Variants in CBLL1 observed in about 807,000 individuals in gnomAD.
CBLL1 encodes the protein E3 ubiquitin-protein ligase Hakai.
In CBLL1, 4 loss-of-function variants were observed where a neutral mutation model predicts 44.9. The ratio of observed to expected loss-of-function variants is 0.09; its 90% CI spans 0.04 to 0.20. The LOEUF is 0.20. Among genes scored for constraint, CBLL1 ranks in the 10% least tolerant of loss-of-function variants. The probability of loss-of-function intolerance (pLI) is 1.00; values close to 1 mark genes in which losing one functional copy is unlikely to be tolerated. For missense variants in CBLL1, 569 were observed against 636.7 expected, an observed-to-expected ratio of 0.89 and a Z score of 1.14; for synonymous variants, 235 against 202.2, an observed-to-expected ratio of 1.16 and a Z score of -1.38.
rs1405832984 is a variant in CBLL1 at position 107,748,927 on chromosome 7, G to C, written c.61G>C (p.Asp21His). The C allele has an allele frequency of 6.2e-7, 1 of 1,613,942 alleles. No individual in the cohort carries two copies. The highest frequency in any genetic ancestry group is 8.5e-7 in the Non-Finnish European group (1 of 1,179,894). ...TNSSGSLGGLDVRRRIPIKLI... is the reference protein window; with the variant it reads ...TNSSGSLGGLHVRRRIPIKLI... The stretch of plus-strand genomic sequence containing the variant: ...TAGTTCTGGATCCTTGGGTGGTCTT[G>C]ATGTTCGCAGACGAATTCCTATAAA... The change falls in exon 2 of 6, where the codon GAT becomes CAT. Residue 21 changes from aspartate to histidine, a missense_variant. Physicochemically the swap from Asp to His is moderately conservative, Grantham distance 81. This residue lies in a region of CBLL1 where 209 missense variants were observed against 202.8 expected (regional missense o/e 1.03). Coordinates refer to ENST00000440859, the MANE Select transcript of CBLL1 (RefSeq NM_024814.4).
At chr7:107,755,848 T>C (rs907706070) in intron 5 of CBLL1, among the ~76,000 whole-genome samples, 1 of 152,166 alleles carries the variant, frequency 6.6e-6, no homozygotes, top group African/African-American at 2.4e-5. Context: ...TGCTATTTAT[T>C]AGCTGTTTTA....
chr7:107,751,745 G>T (rs896991777), intron 2 of CBLL1, among the ~76,000 whole-genome samples: 3 of 151,988 alleles, frequency 2.0e-5, no homozygotes, highest in African/African-American at 4.8e-5. Context: ...TTTCCCTCTC[G>T]GATTTTGGAG....
chr7:107,744,206 G>A (rs769073308), intron 1 of CBLL1, 30 bp downstream of exon 1: 1 of 1,540,654 alleles, frequency 6.5e-7, no homozygotes, highest in Non-Finnish European at 8.8e-7. Flanking sequence ...GGGGGTCCCG[G>A]TTCCAAGCCC....
intron 1 of CBLL1, among the ~76,000 whole-genome samples, chr7:107,746,591 C>T (rs1437434566): frequency 6.6e-6 from 1 of 152,122 alleles, no homozygotes; most frequent in African/African-American, 2.4e-5. Context: ...GGAAATGCCA[C>T]TTAGCTAGAT....
At chr7:107,745,492 C>T (rs1792970474) in intron 1 of CBLL1, among the ~76,000 whole-genome samples, 1 of 152,190 alleles carries the variant, frequency 6.6e-6, no homozygotes, top group Non-Finnish European at 1.5e-5. Context: ...GCACATCATT[C>T]AGGTCATTGA....
chr7:107,755,527 A>C (rs778610177), intron 5 of CBLL1, 36 bp downstream of exon 5: 22 of 1,243,920 alleles, frequency 1.8e-5, no homozygotes, highest in Non-Finnish European at 9.1e-6. Context: ...TTTAAATAAT[A>C]AAGTTTTAGT....
intron 2 of CBLL1, among the ~76,000 whole-genome samples, chr7:107,753,084 AAT>A (rs1438673260): frequency 6.6e-6 from 1 of 152,190 alleles, no homozygotes; most frequent in Non-Finnish European, 1.5e-5. Flanking sequence ...TTACATTAGA[AAT>A]AGTTTCATGA....
At chr7:107,756,239 T>C (rs891858439) in intron 5 of CBLL1, among the ~76,000 whole-genome samples, 2 of 152,186 alleles carry the variant, frequency 1.3e-5, no homozygotes, top group Non-Finnish European at 2.9e-5. Flanking sequence ...AGATCACTTA[T>C]AACCTGTGCT....
chr7:107,759,219 T>C lies in CBLL1; in HGVS notation c.*41T>C, dbSNP rs1793666359. The C allele has an allele frequency of 1.3e-6, 2 of 1,498,590 alleles. No individual in the cohort carries two copies. The highest frequency in any genetic ancestry group is 1.4e-5 in the African/African-American group (1 of 71,706). 92.8% of individuals were successfully genotyped at this position (1,498,590 alleles called of 1,614,324 possible). A position where few individuals can be genotyped will look rare whatever the true frequency, so the allele number is the denominator to read the frequency against. ...TGGAAGATATGAGGGGGAAAAAAAC[T>C]TATGTGTAGTCAATCTTTTAAGCTT... On this transcript the variant is annotated 3_prime_UTR_variant, in exon 6 of 6. Transcript: ENST00000440859.
intron 2 of CBLL1, 38 bp downstream of exon 2, chr7:107,749,085 T>A (rs760713898): frequency 6.3e-7 from 1 of 1,591,042 alleles, no homozygotes; most frequent in African/African-American, 1.3e-5. Context: ...ACTCTTTCTG[T>A]TTTATCTGAT....
chr7:107,744,821 C>G lies in CBLL1; in HGVS notation c.13+645C>G, dbSNP rs1166492773. The G allele has an allele frequency of 5.9e-5, 9 of 152,356 alleles. No homozygotes were observed. The East Asian group carries it at 1.7e-3, about 29-fold the overall frequency. 9.4% of individuals were successfully genotyped at this position (152,356 alleles called of 1,614,324 possible). ...AAGAGGAGTTTAAAATCAAGGCATT[C>G]TCATACTTTTCTCCAAGTAAGAGTG... On this transcript the variant is annotated intron_variant, in intron 1 of 5. Coordinates refer to ENST00000440859, the MANE Select transcript of CBLL1 (RefSeq NM_024814.4).
At chr7:107,749,267 G>T in intron 2 of CBLL1, 1 of 354,784 alleles carries the variant, frequency 2.8e-6, no homozygotes, top group Non-Finnish European at 5.0e-6. Flanking sequence ...ACTGCCCATT[G>T]TTCAGTAATC....
In CBLL1 at chr7:107,758,557, A is replaced by C. The variant is rs1158637102; in HGVS notation, c.855A>C (p.Ser285=). Residue 285 remains serine, a synonymous_variant, in exon 6 of 6, where the codon TCA becomes TCC. Transcript: ENST00000440859. The surrounding 1 kb of genome is among the most constrained non-coding windows in gnomAD (Gnocchi z 4.2). ...TCAGTCAGGAAACCTTTCGTATTTCAACAAGAAAACACAGCAATTTAATAA... is the reference window on the plus strand; with the variant it reads ...TCAGTCAGGAAACCTTTCGTATTTCCACAAGAAAACACAGCAATTTAATAA... ...RSVSQETFRI[S]TRKHSNLITV... 1 of 1,613,976 alleles carries C rather than the reference A, an allele frequency of 6.2e-7. No individual in the cohort carries two copies. Among genetic ancestry groups the C allele is most frequent in the Admixed American group, 1.7e-5 (1 of 59,998 alleles).
At position 107,760,072 on chromosome 7, in the gene CBLL1, T is replaced by G. The variant is rs1269848440; in HGVS notation, c.*894T>G. On this transcript the variant is annotated 3_prime_UTR_variant, in exon 6 of 6. Transcript: ENST00000440859. ...CTGTTTAAATGGGTTTAAATGGTGT[T>G]CTTTAGATGAAATGTGTTCTGTTTT... 1 of 152,272 alleles carries G rather than the reference T, an allele frequency of 6.6e-6. No homozygotes were observed. The highest frequency in any genetic ancestry group is 1.5e-5 in the Non-Finnish European group (1 of 67,970). 9.4% of individuals were successfully genotyped at this position (152,272 alleles called of 1,614,324 possible).
In CBLL1 at chr7:107,758,734, C is replaced by T. The variant is rs771242368; in HGVS notation, c.1032C>T (p.Pro344=). 3 of 1,613,698 alleles carry T rather than the reference C, an allele frequency of 1.9e-6. No homozygotes were observed. Among genetic ancestry groups the T allele is most frequent in the South Asian group, 2.2e-5 (2 of 91,032 alleles). ...IMPPQQHYAP[P]PPPPPPISHP... The stretch of plus-strand genomic sequence containing the variant: ...CTCCACAGCAACATTATGCACCACC[C>T]CCACCTCCTCCACCACCAATAAGCC... Residue 344 remains proline (P), a synonymous_variant, in exon 6 of 6, where the codon CCC becomes CCT. Coordinates refer to ENST00000440859, the MANE Select transcript of CBLL1 (RefSeq NM_024814.4). This position sits in a 1 kb window ranked among gnomAD's most constrained non-coding sequence, Gnocchi z 4.2.
intron 2 of CBLL1, among the ~76,000 whole-genome samples, chr7:107,751,359 G>A (rs1407107443): frequency 6.6e-6 from 1 of 152,110 alleles, no homozygotes; most frequent in Non-Finnish European, 1.5e-5. Flanking sequence ...TTCCTAACAG[G>A]CCAAGGGTAC....
chr7:107,744,882 T>A (rs1297156084), intron 1 of CBLL1: 1 of 152,248 alleles, frequency 6.6e-6, no homozygotes, highest in African/African-American at 2.4e-5. Flanking sequence ...TGGCTTTTGC[T>A]TCTTTGTGGT....
chr7:107,761,613 C>T lies in CBLL1; in HGVS notation c.*2435C>T, dbSNP rs531216089. Reference sequence around the variant, plus strand: ...ATGTTTCATTATATTGCTCTTAAGACTACTGAGGTGGCAGTTTAATTCTTA... The same window carrying T: ...ATGTTTCATTATATTGCTCTTAAGATTACTGAGGTGGCAGTTTAATTCTTA... On this transcript the variant is annotated 3_prime_UTR_variant, in exon 6 of 6. Transcript: ENST00000440859. The T allele has an allele frequency of 3.3e-5, 5 of 152,216 alleles. No homozygotes were observed. The highest frequency in any genetic ancestry group is 1.2e-4 in the African/African-American group (5 of 41,554). 9.4% of individuals were successfully genotyped at this position (152,216 alleles called of 1,614,324 possible).
chr7:107,745,485 C>T (rs2115569542), intron 1 of CBLL1, among the ~76,000 whole-genome samples: 1 of 152,300 alleles, frequency 6.6e-6, no homozygotes, highest in South Asian at 2.1e-4. Context: ...GCAGCAGGCA[C>T]ATCATTCAGG....
Sources: gnomAD v4.1 joint callset for allele counts (sites outside exome capture counted in the v4.1 genomes callset) on GRCh38, gnomAD v4.1.1 for gene constraint, gnomAD v4.1.1 regional missense constraint, Gnocchi (gnomAD v3.1) non-coding constraint, MANE v1.5 for transcripts, NCBI Gene and HGNC (gene_info 2026-07-23, HGNC 2026-07-21) for gene names.